Variants in ZPBP observed in about 807,000 individuals in gnomAD.
ZPBP encodes zona pellucida-binding protein 1.
ZPBP carries 26 observed loss-of-function variants against 44.8 expected under a neutral mutation model. The ratio of observed to expected loss-of-function variants is 0.58; its 90% CI spans 0.43 to 0.81. The LOEUF is 0.81. Among genes scored for constraint, ZPBP ranks in the 30% least tolerant of loss-of-function variants. ZPBP has a pLI of 0.00. For synonymous variants in ZPBP, 174 were observed against 153.2 expected (o/e 1.14, Z -1.00); for missense variants, 409 against 434.0 (o/e 0.94, Z 0.51).
chr7:49,937,650 A>G (rs1210826847), intron 7 of ZPBP, 28 bp from the exon 8 acceptor site: 5 of 1,543,298 alleles, frequency 3.2e-6, no homozygotes, highest in Non-Finnish European at 4.5e-6. Context: ...GTTAATAAGT[A>G]GTATTTTCCT....
intron 2 of ZPBP, among the ~76,000 whole-genome samples, chr7:49,865,794 T>C (rs568322421): frequency 1.3e-5 from 2 of 152,250 alleles, no homozygotes; most frequent in South Asian, 2.1e-4. Flanking sequence ...TTGCAAGATA[T>C]ATCAACCTTA....
At chr7:50,062,659 T>C (rs1801300936) in intron 3 of ZPBP, among the ~76,000 whole-genome samples, 1 of 152,110 alleles carries the variant, frequency 6.6e-6, no homozygotes, top group Non-Finnish European at 1.5e-5. Flanking sequence ...CCTTCTACCA[T>C]ATATAAAAAA....
intron 2 of ZPBP, among the ~76,000 whole-genome samples, chr7:49,898,119 GTGTGTGTGTGTATGTA>G (rs1457072322): frequency 2.6e-5 from 4 of 152,136 alleles, no homozygotes; most frequent in South Asian, 4.2e-4. Flanking sequence ...ATATATGTGT[GTGTGTGTGTGTATGTA>G]TGTGTGTGTG....
downstream of ZPBP, among the ~76,000 whole-genome samples, chr7:49,932,623 G>A (rs1374961385): frequency 6.6e-6 from 1 of 152,138 alleles, no homozygotes; most frequent in East Asian, 1.9e-4. Context: ...CTCAGATTGA[G>A]TTAATGCTGA....
At chr7:50,017,411 T>G (rs996109553) in intron 6 of ZPBP, among the ~76,000 whole-genome samples, 2 of 152,138 alleles carry the variant, frequency 1.3e-5, no homozygotes, top group African/African-American at 4.8e-5. Context: ...ACAGTGAAGC[T>G]TCACTCTAGC....
At chr7:50,056,320 T>A (rs1292064182) in intron 4 of ZPBP, 1 of 152,238 alleles carries the variant, frequency 6.6e-6, no homozygotes, top group African/African-American at 2.4e-5. Flanking sequence ...TTATTTGGCA[T>A]GTGGCTTCTT....
intron 7 of ZPBP, among the ~76,000 whole-genome samples, chr7:49,956,593 G>C (rs756537810): frequency 1.5e-4 from 22 of 151,710 alleles, no homozygotes; most frequent in Non-Finnish European, 1.9e-4. Context: ...CCATGTATAA[G>C]ATCTATATGA....
chr7:50,025,258 A>C (rs2128809005), intron 5 of ZPBP, among the ~76,000 whole-genome samples: 1 of 151,990 alleles, frequency 6.6e-6, no homozygotes, highest in Non-Finnish European at 1.5e-5. Flanking sequence ...AAATATCAGT[A>C]AAATATTTTG....
At chr7:50,069,846 A>G (rs1801745347) in intron 3 of ZPBP, among the ~76,000 whole-genome samples, 1 of 152,022 alleles carries the variant, frequency 6.6e-6, no homozygotes, top group Non-Finnish European at 1.5e-5. Flanking sequence ...GCGGCTACGA[A>G]GCTGGTCCTA....
chr7:49,983,331 T>A lies in ZPBP; in HGVS notation c.961+11A>T. ...ACAATATAAAACATGAAATCATAAT[T>A]CATTACATACCACAGCACTCAGGAC... is the stretch of plus-strand genomic sequence containing the variant. On this transcript the variant is annotated intron_variant, in intron 7 of 7. Coordinates refer to ENST00000046087, the MANE Select transcript of ZPBP (RefSeq NM_007009.3). 4 of 1,612,514 alleles carry A rather than the reference T, an allele frequency of 2.5e-6. No homozygotes were observed. The highest frequency in any genetic ancestry group is 3.4e-6 in the Non-Finnish European group (4 of 1,178,958).
At chr7:50,019,305 C>T (rs902550205) in intron 5 of ZPBP, among the ~76,000 whole-genome samples, 1 of 152,040 alleles carries the variant, frequency 6.6e-6, no homozygotes, top group Non-Finnish European at 1.5e-5. Flanking sequence ...CTCTATGATG[C>T]CTGTGTACAT....
At chr7:49,879,566 C>T (rs940114036) in intron 2 of ZPBP, among the ~76,000 whole-genome samples, 2 of 152,156 alleles carry the variant, frequency 1.3e-5, no homozygotes, top group African/African-American at 4.8e-5. Context: ...TGTTTCACTC[C>T]TAGTTCCAGA....
chr7:49,987,244 C>T (rs975314525), intron 6 of ZPBP, among the ~76,000 whole-genome samples: 3 of 152,074 alleles, frequency 2.0e-5, no homozygotes, highest in South Asian at 4.1e-4. Context: ...TTAAAGAGCA[C>T]TCAGCTTAAT....
chr7:50,000,646 C>A (rs1798052021), intron 6 of ZPBP, among the ~76,000 whole-genome samples: 2 of 152,130 alleles, frequency 1.3e-5, no homozygotes, highest in South Asian at 2.1e-4. Flanking sequence ...ATTAACCCAG[C>A]AAATCTCAGC....
chr7:49,957,144 C>T (rs1013887468), intron 7 of ZPBP, among the ~76,000 whole-genome samples: 1 of 152,172 alleles, frequency 6.6e-6, no homozygotes, highest in Non-Finnish European at 1.5e-5. Context: ...TAAGGTTACA[C>T]AATGAGAAGG....
chr7:49,876,351 A>T (rs1376012525), intron 2 of ZPBP, among the ~76,000 whole-genome samples: 1 of 152,142 alleles, frequency 6.6e-6, no homozygotes, highest in African/African-American at 2.4e-5. Flanking sequence ...TCTGCCTTCC[A>T]CTTTGTGGTT....
intron 2 of ZPBP, among the ~76,000 whole-genome samples, chr7:49,890,982 T>C (rs147097430): frequency 5.6e-4 from 86 of 152,254 alleles, no homozygotes; most frequent in Non-Finnish European, 9.9e-4. Flanking sequence ...AAAGATGGGC[T>C]AAATAGGAAA....
intron 4 of ZPBP, among the ~76,000 whole-genome samples, chr7:50,045,512 A>C (rs568831696): frequency 6.6e-6 from 1 of 152,216 alleles, no homozygotes; most frequent in Non-Finnish European, 1.5e-5. Context: ...AATAATAGAC[A>C]AACAGCCAAA....
chr7:49,867,212 T>C (rs1790932083), intron 2 of ZPBP, among the ~76,000 whole-genome samples: 1 of 152,208 alleles, frequency 6.6e-6, no homozygotes, highest in Non-Finnish European at 1.5e-5. Context: ...ATCGAAACTT[T>C]GTCCATATCC....
Sources: gnomAD v4.1 joint callset for allele counts (sites outside exome capture counted in the v4.1 genomes callset) on GRCh38, gnomAD v4.1.1 for gene constraint, MANE v1.5 for transcripts, NCBI Gene and HGNC (gene_info 2026-07-23, HGNC 2026-07-21) for gene names.